The following GRIA4 variants were observed in gnomAD, a reference collection of about 807,000 sequenced individuals.
GRIA4 encodes the protein glutamate receptor 4.
In GRIA4, 34 loss-of-function variants were observed where a neutral mutation model predicts 104.0. That is an observed-to-expected ratio of 0.33 (90% CI 0.25 to 0.44). The LOEUF (loss-of-function observed/expected upper bound fraction) is 0.44, where lower values mean the gene tolerates loss of function less well. GRIA4 is among the 20% of genes least tolerant of loss of function. The pLI is 1.00. For synonymous variants in GRIA4, 386 were observed against 381.9 expected, an observed-to-expected ratio of 1.01 and a Z score of -0.13; for missense variants, 750 against 1,096.5, an observed-to-expected ratio of 0.68 and a Z score of 4.46.
chr11:105,938,436 G>A (rs1948104962), intron 14 of GRIA4, among the ~76,000 whole-genome samples: 1 of 152,148 alleles, frequency 6.6e-6, no homozygotes, highest in Non-Finnish European at 1.5e-5. Flanking sequence ...GCTGAGTACT[G>A]AGTATACTTT....
intron 16 of GRIA4, among the ~76,000 whole-genome samples, chr11:105,975,325 A>T (rs1037815461): frequency 6.6e-6 from 1 of 152,004 alleles, no homozygotes; most frequent in African/African-American, 2.4e-5. Flanking sequence ...TCAGAAAAAG[A>T]TAAAAATTGC....
chr11:105,641,343 A>G (rs1951353254), intron 3 of GRIA4, among the ~76,000 whole-genome samples: 1 of 152,126 alleles, frequency 6.6e-6, no homozygotes. Flanking sequence ...GCCGTCACTC[A>G]CCATAGCCAC....
intron 3 of GRIA4, among the ~76,000 whole-genome samples, chr11:105,637,950 C>T (rs991769241): frequency 1.3e-5 from 2 of 152,142 alleles, no homozygotes; most frequent in Non-Finnish European, 2.9e-5. Context: ...TAATTTCATT[C>T]ATTTATTTTT....
chr11:105,930,588 TTA>T (rs76152034), intron 13 of GRIA4, among the ~76,000 whole-genome samples: 42,349 of 151,942 alleles, frequency 0.28, 5,891 homozygotes, highest in Non-Finnish European at 0.3. Context: ...AAAAGATACT[TTA>T]TTCTTTTTAA....
intron 5 of GRIA4, among the ~76,000 whole-genome samples, chr11:105,866,547 G>GTATATA (rs1240615789): frequency 2.2e-3 from 93 of 42,598 alleles, no homozygotes; most frequent in South Asian, 0.01. Context: ...GTGTGTGTGT[G>GTATATA]TGTGTATATA....
At chr11:105,769,980 C>T (rs914206257) in intron 4 of GRIA4, among the ~76,000 whole-genome samples, 3 of 152,038 alleles carry the variant, frequency 2.0e-5, no homozygotes, top group African/African-American at 7.2e-5. Context: ...TCATGGATTT[C>T]TACACCTACT....
intron 4 of GRIA4, among the ~76,000 whole-genome samples, chr11:105,787,364 G>C (rs919604055): frequency 6.6e-6 from 1 of 151,686 alleles, no homozygotes; most frequent in Non-Finnish European, 1.5e-5. Flanking sequence ...TACAGAAAAC[G>C]TAAGATACTG....
intron 3 of GRIA4, among the ~76,000 whole-genome samples, chr11:105,615,451 A>C (rs1950576384): frequency 6.6e-6 from 1 of 151,854 alleles, no homozygotes; most frequent in Non-Finnish European, 1.5e-5. Flanking sequence ...CACTTTGATG[A>C]ATATTAAACT....
chr11:105,932,937 A>G (rs1947924485), intron 13 of GRIA4, among the ~76,000 whole-genome samples: 1 of 152,190 alleles, frequency 6.6e-6, no homozygotes, highest in African/African-American at 2.4e-5. Flanking sequence ...GGGCATGAAA[A>G]AAGATAAAAA....
chr11:105,621,014 C>T (rs1950730390), intron 3 of GRIA4, among the ~76,000 whole-genome samples: 1 of 151,540 alleles, frequency 6.6e-6, no homozygotes, highest in Admixed American at 6.6e-5. Context: ...TCAGGTGCCT[C>T]CGACTTAAGA....
chr11:105,731,926 G>A (rs1463127460), intron 3 of GRIA4, among the ~76,000 whole-genome samples: 1 of 152,072 alleles, frequency 6.6e-6, no homozygotes, highest in Non-Finnish European at 1.5e-5. Context: ...ACCTAATGTA[G>A]ATGATGGGTC....
rs780470440 is a variant in GRIA4 at position 105,696,803 on chromosome 11, C to T, written c.248-56178C>T. Among the ~76,000 whole-genome samples, 4 of 151,844 alleles carry T rather than the reference C, an allele frequency of 2.6e-5. No homozygotes were observed. The South Asian group carries it at 6.2e-4, about 24-fold the overall frequency. On this transcript the variant is annotated intron_variant, in intron 3 of 16. Coordinates refer to ENST00000282499, the MANE Select transcript of GRIA4 (RefSeq NM_000829.4). ...TATTGAAACAGAGTTTTGCTCTAAT[C>T]GTCCAGGCTGGAGTGCAGTGGTGTG...
chr11:105,694,968 A>C (rs1406954365), intron 3 of GRIA4, among the ~76,000 whole-genome samples: 1 of 152,276 alleles, frequency 6.6e-6, no homozygotes. Context: ...AAAAATCTAA[A>C]CAGATATGGA....
chr11:105,862,744 A>G (rs1354483260), intron 5 of GRIA4: 1 of 152,240 alleles, frequency 6.6e-6, no homozygotes, highest in African/African-American at 2.4e-5. Context: ...CCCAGTGGAG[A>G]TGGTTTTCAA....
intron 11 of GRIA4, among the ~76,000 whole-genome samples, chr11:105,919,457 T>C (rs1326151305): frequency 6.6e-6 from 1 of 152,170 alleles, no homozygotes; most frequent in Non-Finnish European, 1.5e-5. Context: ...ACACAGTAAA[T>C]TTAAACTTTA....
chr11:105,935,492 G>A (rs1297026312), intron 14 of GRIA4, among the ~76,000 whole-genome samples: 5 of 152,182 alleles, frequency 3.3e-5, no homozygotes, highest in Non-Finnish European at 2.9e-5. Context: ...GATGCAATAT[G>A]AAGAATATAT....
chr11:105,977,867 T>A (rs1438624247), intron 16 of GRIA4, among the ~76,000 whole-genome samples: 1 of 152,024 alleles, frequency 6.6e-6, no homozygotes, highest in Non-Finnish European at 1.5e-5. Context: ...ATGTACACAT[T>A]TTAGTTCCCT....
chr11:105,874,316 A>G (rs683505), intron 5 of GRIA4, among the ~76,000 whole-genome samples: 57,589 of 151,898 alleles, frequency 0.38, 11,039 homozygotes, highest in Non-Finnish European at 0.41. Flanking sequence ...TTTGTTTACC[A>G]TAGCTTTGTA....
At chr11:105,650,266 T>C (rs1168563673) in intron 3 of GRIA4, among the ~76,000 whole-genome samples, 3 of 152,172 alleles carry the variant, frequency 2.0e-5, no homozygotes, top group Non-Finnish European at 1.5e-5. Context: ...TTCATTTTTA[T>C]GTGGAGGCCT....
Sources: gnomAD v4.1 joint callset for allele counts (sites outside exome capture counted in the v4.1 genomes callset) on GRCh38, gnomAD v4.1.1 for gene constraint, MANE v1.5 for transcripts, NCBI Gene and HGNC (gene_info 2026-07-23, HGNC 2026-07-21) for gene names.